ESR1: variants seen among roughly 807,000 people sequenced by gnomAD.
ESR1 encodes the protein estrogen receptor 1, also known as estrogen receptor.
A neutral mutation model predicts 52.7 loss-of-function variants in ESR1; 12 were observed. The observed-to-expected ratio is 0.23, with a 90% CI of 0.15 to 0.37. ESR1 has a LOEUF of 0.37. ESR1 is among the 10% of genes least tolerant of loss of function. The pLI is 1.00. For missense variants in ESR1, 584 were observed against 779.7 expected (o/e 0.75, Z 2.99); for synonymous variants, 305 against 316.8 (o/e 0.96, Z 0.39).
intron 2 of ESR1, among the ~76,000 whole-genome samples, chr6:151,855,341 C>T (rs977265136): frequency 5.3e-5 from 8 of 152,140 alleles, no homozygotes; most frequent in Admixed American, 5.2e-4. Flanking sequence ...TGATTGCTAG[C>T]ATGCTGATTA....
chr6:152,026,671 G>A (rs1424660921), intron 5 of ESR1, among the ~76,000 whole-genome samples: 1 of 151,218 alleles, frequency 6.6e-6, no homozygotes, highest in Non-Finnish European at 1.5e-5. Flanking sequence ...AATTTATTTT[G>A]CTTTCAGGTA....
At chr6:151,838,347 A>G (rs1454938414) in intron 1 of ESR1, among the ~76,000 whole-genome samples, 1 of 152,230 alleles carries the variant, frequency 6.6e-6, no homozygotes, top group Non-Finnish European at 1.5e-5. Context: ...CAGCAGGAAG[A>G]GAGGAGGTGG....
At chr6:151,769,640 C>G (rs947523879) in intron 2 of ESR1, among the ~76,000 whole-genome samples, 1 of 152,154 alleles carries the variant, frequency 6.6e-6, no homozygotes, top group Non-Finnish European at 1.5e-5. Flanking sequence ...GGAAGATAGA[C>G]TGGGCTACGC....
intron 1 of ESR1, among the ~76,000 whole-genome samples, chr6:151,693,957 G>A (rs967039047): frequency 6.6e-6 from 1 of 152,144 alleles, no homozygotes; most frequent in African/African-American, 2.4e-5. Context: ...CCAAAGACCT[G>A]AGATAGTCTC....
At chr6:151,754,241 A>T (rs1383078889) in intron 2 of ESR1, among the ~76,000 whole-genome samples, 1 of 152,158 alleles carries the variant, frequency 6.6e-6, no homozygotes, top group Non-Finnish European at 1.5e-5. Context: ...AGTGAAAAAT[A>T]GTTAAACCTC....
In ESR1 at chr6:151,672,103, G is replaced by A. The variant is rs186322824; in HGVS notation, n.73+15340G>A. 4.2e-3 allele frequency among the ~76,000 whole-genome samples: 644 copies of A among 151,930 alleles called. 1 individual carries two copies. Among genetic ancestry groups the A allele is most frequent in the African/African-American group, 0.015 (617 of 41,448 alleles). On this transcript the variant is annotated intron_variant and non_coding_transcript_variant, in intron 1 of 2. Coordinates refer to the ESR1 transcript ENST00000473497. ...CCACCTCGGCCTCCCAAAGCGCTGG[G>A]ATTGCAGGCGTGAGCCACTGCACCT... is the stretch of plus-strand genomic sequence containing the variant.
At chr6:151,821,016 A>C (rs936194501) in intron 1 of ESR1, among the ~76,000 whole-genome samples, 3 of 152,148 alleles carry the variant, frequency 2.0e-5, no homozygotes, top group Admixed American at 6.6e-5. Flanking sequence ...GGGGCCTTAG[A>C]CATGATGGAA....
intron 2 of ESR1, among the ~76,000 whole-genome samples, chr6:151,855,831 G>T (rs577516411): frequency 6.6e-6 from 1 of 152,280 alleles, no homozygotes; most frequent in African/African-American, 2.4e-5. Context: ...CTTTATGGAG[G>T]AGGTGGTGTT....
chr6:152,022,811 A>C (rs924980228), intron 5 of ESR1, among the ~76,000 whole-genome samples: 2 of 116,068 alleles, frequency 1.7e-5, no homozygotes, highest in Non-Finnish European at 3.3e-5. Context: ...GTCTCTACTA[A>C]AAATAAAAAT....
At chr6:151,754,205 G>T (rs1455383221) in intron 2 of ESR1, among the ~76,000 whole-genome samples, 1 of 152,080 alleles carries the variant, frequency 6.6e-6, no homozygotes, top group African/African-American at 2.4e-5. Flanking sequence ...GAAAAAAGTC[G>T]CTTATAATTT....
chr6:151,669,029 G>C (rs1423058106), intron 1 of ESR1, among the ~76,000 whole-genome samples: 2 of 151,526 alleles, frequency 1.3e-5, no homozygotes, highest in Non-Finnish European at 2.9e-5. Flanking sequence ...CAGGCTAAAG[G>C]CATCTGGACT....
At chr6:152,112,245 A>T (rs2051154622) in intron 6 of ESR1, among the ~76,000 whole-genome samples, 1 of 152,246 alleles carries the variant, frequency 6.6e-6, no homozygotes, top group Admixed American at 6.5e-5. Context: ...TAGGTTTAAA[A>T]AACAATGGAA....
intron 5 of ESR1, among the ~76,000 whole-genome samples, chr6:152,042,407 C>A (rs1261911373): frequency 2.6e-5 from 4 of 152,176 alleles, no homozygotes; most frequent in Admixed American, 2.6e-4. Flanking sequence ...TTTGGGTCCC[C>A]TGGAATCAAC....
At chr6:151,747,827 T>A (rs1173214953) in intron 2 of ESR1, among the ~76,000 whole-genome samples, 1 of 152,352 alleles carries the variant, frequency 6.6e-6, no homozygotes, top group South Asian at 2.1e-4. Flanking sequence ...ATTCTTTTTA[T>A]TGCCAAATAA....
upstream of ESR1, among the ~76,000 whole-genome samples, chr6:151,686,119 A>G (rs955737682): frequency 2.7e-4 from 37 of 137,242 alleles, no homozygotes; most frequent in Non-Finnish European, 2.6e-4. Context: ...TACATTGCTC[A>G]GGCTAGTCTT....
intron 4 of ESR1, among the ~76,000 whole-genome samples, chr6:152,006,139 A>G (rs1293892472): frequency 6.6e-6 from 1 of 152,034 alleles, no homozygotes; most frequent in Non-Finnish European, 1.5e-5. Flanking sequence ...GACTCACAAT[A>G]TTTCAAAACA....
intron 2 of ESR1, among the ~76,000 whole-genome samples, chr6:151,761,598 C>A (rs74861677): frequency 0.017 from 2,562 of 152,260 alleles, 76 homozygotes; most frequent in African/African-American, 0.059. Context: ...TAGAACATAT[C>A]CCTTTAACGT....
intron 1 of ESR1, among the ~76,000 whole-genome samples, chr6:151,839,198 C>T (rs1783875764): frequency 6.6e-6 from 1 of 152,036 alleles, no homozygotes; most frequent in Admixed American, 6.6e-5. Context: ...AAAAAATCTT[C>T]TAGAGAGTTC....
At chr6:151,726,931 C>T (rs1391236145) in intron 2 of ESR1, among the ~76,000 whole-genome samples, 3 of 152,146 alleles carry the variant, frequency 2.0e-5, no homozygotes, top group Non-Finnish European at 4.4e-5. Context: ...TCTTTTCTCA[C>T]TCCTGATCGC....
Sources: gnomAD v4.1 joint callset for allele counts (sites outside exome capture counted in the v4.1 genomes callset) on GRCh38, gnomAD v4.1.1 for gene constraint, MANE v1.5 for transcripts, NCBI Gene and HGNC (gene_info 2026-07-23, HGNC 2026-07-21) for gene names.